Variants in DPH6 observed in about 807,000 individuals in gnomAD.
DPH6 encodes the protein diphthine--ammonia ligase.
A neutral mutation model predicts 38.2 loss-of-function variants in DPH6; 33 were observed. The observed-to-expected ratio is 0.86, with a 90% confidence interval of 0.65 to 1.15. DPH6 has a LOEUF of 1.15. Among genes scored for constraint, DPH6 ranks in the 50% most tolerant of loss-of-function variants. The pLI, the probability that DPH6 is intolerant of heterozygous loss-of-function variation, is 0.00. For synonymous variants in DPH6, 108 were observed against 103.0 expected (o/e 1.05, Z -0.30); for missense variants, 325 against 320.0 (o/e 1.02, Z -0.12).
At chr15:35,191,542 CAA>C in the DPH6 span, among the ~76,000 whole-genome samples, 1 of 152,118 alleles carries the variant, frequency 6.6e-6, no homozygotes, top group Non-Finnish European at 1.5e-5. Context: ...GGATACGAAC[CAA>C]AGTTTATCTC....
At chr15:35,213,841 G>A (rs147688963), downstream of DPH6, among the ~76,000 whole-genome samples, 58 of 152,302 alleles carry the variant, frequency 3.8e-4, no homozygotes, top group African/African-American at 9.1e-4. Context: ...GGCCGGGCGC[G>A]GTGGCTCACG....
In DPH6 at chr15:35,371,656, AAC is replaced by A; in HGVS notation, c.*492_*493del. 2 of 985,278 alleles carry A rather than the reference AAC, an allele frequency of 2.0e-6. No homozygotes were observed. Among genetic ancestry groups the A allele is most frequent in the Non-Finnish European group, 2.4e-6 (2 of 829,836 alleles). 61.0% of individuals were successfully genotyped at this position (985,278 alleles called of 1,614,324 possible). A position where few individuals can be genotyped will look rare whatever the true frequency, so the allele number is the denominator to read the frequency against. On this transcript the variant is annotated 3_prime_UTR_variant, in exon 9 of 9. Coordinates refer to ENST00000256538, the MANE Select transcript of DPH6 (RefSeq NM_080650.4). Reference sequence around the variant, plus strand: ...CTTCCTAATTGTCCAATAACGTTGAAACACTTCAACCATGAATATATTTAAAA... The same window carrying A: ...CTTCCTAATTGTCCAATAACGTTGAAACTTCAACCATGAATATATTTAAAA...
At chr15:35,446,214 CT>C (rs34603629) in intron 5 of DPH6, among the ~76,000 whole-genome samples, 3,511 of 51,484 alleles carry the variant, frequency 0.068, 145 homozygotes, top group African/African-American at 0.12. Flanking sequence ...TGTATTTTCC[CT>C]TTTTTTTTTT....
chr15:35,445,105 T>C (rs2053835259), intron 5 of DPH6, among the ~76,000 whole-genome samples: 1 of 152,238 alleles, frequency 6.6e-6, no homozygotes, highest in Admixed American at 6.5e-5. Context: ...ATACTCTGCA[T>C]AACTCCAGAG....
At chr15:35,453,988 A>AT (rs57185950) in intron 4 of DPH6, among the ~76,000 whole-genome samples, 1 of 151,886 alleles carries the variant, frequency 6.6e-6, no homozygotes, top group Non-Finnish European at 1.5e-5. Context: ...ATGCAGTCCA[A>AT]TTTTTTTTGT....
At chr15:35,204,991 G>A in the DPH6 span, among the ~76,000 whole-genome samples, 1 of 151,930 alleles carries the variant, frequency 6.6e-6, no homozygotes, top group East Asian at 1.9e-4. Context: ...AAAGATCAGG[G>A]AAGGTTAAGG....
At chr15:35,430,547 A>G (rs546257048) in intron 5 of DPH6, among the ~76,000 whole-genome samples, 1 of 152,232 alleles carries the variant, frequency 6.6e-6, no homozygotes, top group East Asian at 1.9e-4. Flanking sequence ...CCAAAAAAAA[A>G]AAATGAAATA....
chr15:35,151,723 AC>A, the DPH6 span, among the ~76,000 whole-genome samples: 1 of 152,202 alleles, frequency 6.6e-6, no homozygotes, highest in Non-Finnish European at 1.5e-5. Flanking sequence ...GTTCTGGGCC[AC>A]CCTTGACCCT....
intron 5 of DPH6, among the ~76,000 whole-genome samples, chr15:35,437,713 A>G (rs1187872645): frequency 1.3e-5 from 2 of 152,192 alleles, no homozygotes; most frequent in Middle Eastern, 3.4e-3. Context: ...CAGGCCTAGT[A>G]CTCCACAGGC....
chr15:35,387,170 C>A (rs953285303), intron 6 of DPH6, among the ~76,000 whole-genome samples: 4 of 152,248 alleles, frequency 2.6e-5, no homozygotes, highest in Non-Finnish European at 5.9e-5. Flanking sequence ...GGCATTATAT[C>A]TGAGGTCTCT....
At chr15:35,536,852 C>A (rs1449218964) in intron 3 of DPH6, among the ~76,000 whole-genome samples, 7 of 152,078 alleles carry the variant, frequency 4.6e-5, no homozygotes, top group African/African-American at 1.7e-4. Flanking sequence ...GGAGATATGA[C>A]CACTAAAAGT....
intron 3 of DPH6, among the ~76,000 whole-genome samples, chr15:35,332,527 A>G (rs2052333795): frequency 6.6e-6 from 1 of 152,082 alleles, no homozygotes; most frequent in African/African-American, 2.4e-5. Flanking sequence ...CATTGTCTTA[A>G]TTGTACTTTT....
At chr15:35,179,432 G>C in the DPH6 span, among the ~76,000 whole-genome samples, 1 of 151,866 alleles carries the variant, frequency 6.6e-6, no homozygotes, top group Non-Finnish European at 1.5e-5. Context: ...TATCCAAAAA[G>C]AGTCAAATAC....
chr15:35,431,822 CT>C (rs2053635866), intron 5 of DPH6, among the ~76,000 whole-genome samples: 1 of 152,026 alleles, frequency 6.6e-6, no homozygotes, highest in African/African-American at 2.4e-5. Context: ...GAGTCTCGCT[CT>C]GTCGCCCAGG....
chr15:35,256,122 C>T (rs2051706583), intron 3 of DPH6, among the ~76,000 whole-genome samples: 1 of 152,002 alleles, frequency 6.6e-6, no homozygotes, highest in South Asian at 2.1e-4. Context: ...TAATTGTTAA[C>T]ATCTTATATT....
At chr15:35,283,350 G>T (rs977358202) in intron 3 of DPH6, among the ~76,000 whole-genome samples, 2 of 151,370 alleles carry the variant, frequency 1.3e-5, no homozygotes, top group African/African-American at 4.9e-5. Context: ...TGTCACCCAG[G>T]CTGGAGTGCA....
intron 3 of DPH6, among the ~76,000 whole-genome samples, chr15:35,231,630 T>C (rs537722992): frequency 2.2e-4 from 33 of 152,350 alleles, no homozygotes; most frequent in African/African-American, 7.9e-4. Flanking sequence ...TGTATTAGTC[T>C]GTTTTGTGTT....
downstream of DPH6, among the ~76,000 whole-genome samples, chr15:35,330,057 C>G (rs953766699): frequency 2.0e-5 from 3 of 152,160 alleles, no homozygotes; most frequent in Non-Finnish European, 4.4e-5. Context: ...AAGATTTACA[C>G]TAAACACTAT....
At chr15:35,229,172 A>G (rs1018395534) in intron 3 of DPH6, among the ~76,000 whole-genome samples, 45 of 152,044 alleles carry the variant, frequency 3.0e-4, no homozygotes, top group African/African-American at 8.9e-4. Flanking sequence ...TTTAAGGCCA[A>G]TTACTCTTAA....
Sources: gnomAD v4.1 joint callset for allele counts (sites outside exome capture counted in the v4.1 genomes callset) on GRCh38, gnomAD v4.1.1 for gene constraint, MANE v1.5 for transcripts, NCBI Gene and HGNC (gene_info 2026-07-23, HGNC 2026-07-21) for gene names.